NPAS2: variants seen among roughly 807,000 people sequenced by gnomAD.
The protein encoded by NPAS2 is neuronal PAS domain protein 2.
Under a neutral mutation model 107.5 loss-of-function variants are expected in NPAS2, and 23 were observed. The observed-to-expected ratio is 0.21, with a 90% CI of 0.15 to 0.30. NPAS2 has a LOEUF of 0.30. NPAS2 is among the 10% of genes least tolerant of loss of function. The pLI is 1.00. For missense variants in NPAS2, 756 were observed against 1,043.3 expected, an observed-to-expected ratio of 0.72 and a Z score of 3.79; for synonymous variants, 403 against 417.5, an observed-to-expected ratio of 0.97 and a Z score of 0.42.
rs1676373807 is a variant in NPAS2 at position 100,968,692 on chromosome 2, T to C, written c.1055+264T>C. Reference sequence around the variant, plus strand: ...GCCCCTTTGAACGCCTCATGGACTCTCGCAGGCTGCCAGGATATTACTTAG... The same window carrying C: ...GCCCCTTTGAACGCCTCATGGACTCCCGCAGGCTGCCAGGATATTACTTAG... On this transcript the variant is annotated intron_variant, in intron 11 of 20. Transcript: ENST00000335681. This position sits in a 1 kb window ranked among gnomAD's most constrained non-coding sequence, Gnocchi z 5.3. Among the ~76,000 whole-genome samples the C allele has an allele frequency of 6.6e-6, 1 of 152,200 alleles. No individual in the cohort carries two copies. Among genetic ancestry groups the C allele is most frequent in the Non-Finnish European group, 1.5e-5 (1 of 68,028 alleles).
chr2:100,930,496 T>C (rs1043816220), intron 3 of NPAS2, among the ~76,000 whole-genome samples: 6 of 152,206 alleles, frequency 3.9e-5, no homozygotes, highest in Non-Finnish European at 7.3e-5. Flanking sequence ...CACAATGTTT[T>C]CCTACAAAAA....
At chr2:100,946,098 C>T (rs914733287) in intron 5 of NPAS2, among the ~76,000 whole-genome samples, 1 of 152,220 alleles carries the variant, frequency 6.6e-6, no homozygotes, top group African/African-American at 2.4e-5. Flanking sequence ...TGTAGTCATT[C>T]TGTAACTGGT....
chr2:100,974,236 C>T (rs1031766189), intron 12 of NPAS2, among the ~76,000 whole-genome samples: 1 of 152,210 alleles, frequency 6.6e-6, no homozygotes, highest in African/African-American at 2.4e-5. Flanking sequence ...GCTGCTTTCT[C>T]GTCACACTGT....
intron 1 of NPAS2, among the ~76,000 whole-genome samples, chr2:100,865,878 T>A (rs1458140484): frequency 4.6e-5 from 7 of 152,170 alleles, no homozygotes; most frequent in Non-Finnish European, 7.3e-5. Flanking sequence ...TTGAACTACC[T>A]CCCGCTAAAA....
At chr2:100,894,647 A>G (rs1681286840) in intron 1 of NPAS2, among the ~76,000 whole-genome samples, 1 of 152,214 alleles carries the variant, frequency 6.6e-6, no homozygotes, top group Admixed American at 6.5e-5. Context: ...ATGAAGTAAC[A>G]TTTAACATCA....
chr2:100,941,076 A>G (rs1573674271), intron 5 of NPAS2, among the ~76,000 whole-genome samples: 1 of 152,240 alleles, frequency 6.6e-6, no homozygotes, highest in Middle Eastern at 3.4e-3. Context: ...GAGCAGCCAG[A>G]ATTCCTTCCC....
chr2:100,939,468 A>G (rs1674448735), intron 5 of NPAS2, among the ~76,000 whole-genome samples: 1 of 152,038 alleles, frequency 6.6e-6, no homozygotes, highest in Non-Finnish European at 1.5e-5. Flanking sequence ...CTTGATTTTC[A>G]TCTCTGGCCA....
At chr2:100,866,617 G>A (rs1408580549) in intron 1 of NPAS2, among the ~76,000 whole-genome samples, 1 of 152,180 alleles carries the variant, frequency 6.6e-6, no homozygotes, top group Non-Finnish European at 1.5e-5. Flanking sequence ...TTATTACAGT[G>A]CCACAGGGAA....
intron 11 of NPAS2, among the ~76,000 whole-genome samples, chr2:100,969,752 A>G (rs546354218): frequency 2.0e-5 from 3 of 152,202 alleles, no homozygotes; most frequent in African/African-American, 7.2e-5. Flanking sequence ...CGTATAGTGT[A>G]TTGTTCCTAG....
upstream of NPAS2, among the ~76,000 whole-genome samples, chr2:100,818,895 G>A (rs1573385286): frequency 6.6e-6 from 1 of 152,178 alleles, no homozygotes; most frequent in South Asian, 2.1e-4. Context: ...TGTGAACGCC[G>A]CCGCCCAGGT....
At chr2:100,944,444 C>T (rs1440638259) in intron 5 of NPAS2, among the ~76,000 whole-genome samples, 1 of 152,194 alleles carries the variant, frequency 6.6e-6, no homozygotes, top group Non-Finnish European at 1.5e-5. Context: ...CTGCCCACCT[C>T]CACAGGCAGG....
intron 4 of NPAS2, among the ~76,000 whole-genome samples, chr2:100,934,479 A>G (rs1443538987): frequency 6.6e-6 from 1 of 152,196 alleles, no homozygotes; most frequent in Non-Finnish European, 1.5e-5. Context: ...GTCTTTATGC[A>G]CTTTCCCTTG....
intron 12 of NPAS2, among the ~76,000 whole-genome samples, chr2:100,973,884 C>G (rs149804164): frequency 0.042 from 6,351 of 152,250 alleles, 356 homozygotes; most frequent in South Asian, 0.15. Context: ...CTATGTTGCC[C>G]AGGCTGGAGT....
chr2:100,973,335 G>A (rs1040851533), intron 12 of NPAS2, among the ~76,000 whole-genome samples: 1 of 152,224 alleles, frequency 6.6e-6, no homozygotes, highest in Non-Finnish European at 1.5e-5. Flanking sequence ...AGATTCCCGT[G>A]TGTGGACGTG....
rs1262337880 is a variant in NPAS2, at chr2:100,946,988, A to G, written c.364-1247A>G. Among the ~76,000 whole-genome samples the G allele has an allele frequency of 2.0e-5, 3 of 152,130 alleles. No individual in the cohort carries two copies. In the East Asian group the frequency reaches 5.8e-4, roughly 29 times the overall value. ...GTTGGAGATGATATGGGTGGGAAAG[A>G]ATGCCGATGTTCAGGACATGTATTC... is the stretch of plus-strand genomic sequence containing the variant. On this transcript the variant is annotated intron_variant, in intron 5 of 20. Transcript: ENST00000335681.
chr2:100,983,077 C>T (rs1018570215), intron 16 of NPAS2: 21 of 152,200 alleles, frequency 1.4e-4, no homozygotes, highest in African/African-American at 4.6e-4. Flanking sequence ...GACTGTGTAT[C>T]TTCAGAAGTG....
At chr2:100,845,896 A>G (rs1225004567) in intron 1 of NPAS2, among the ~76,000 whole-genome samples, 2 of 152,186 alleles carry the variant, frequency 1.3e-5, no homozygotes. Flanking sequence ...TCACCATGGC[A>G]GAGGGTTTTC....
chr2:100,878,399 C>T, intron 1 of NPAS2: 2 of 985,428 alleles, frequency 2.0e-6, no homozygotes, highest in Non-Finnish European at 2.4e-6. Flanking sequence ...CCTGGAAAAC[C>T]AGCAGTTCCT....
In NPAS2 at chr2:100,948,327, G is replaced by T; in HGVS notation, c.456G>T (p.Thr152=). Residue 152 remains threonine (T), a synonymous_variant, in exon 6 of 21, where the codon ACG becomes ACT. Transcript: ENST00000335681. ...YKILSSHMLV[T]DSPSPEYLKS... ...TCCTTTCTTCCCATATGCTTGTGACGGATTCCCCCTCCCCAGAATACTTAA... is the reference window on the plus strand; with the variant it reads ...TCCTTTCTTCCCATATGCTTGTGACTGATTCCCCCTCCCCAGAATACTTAA... The T allele has an allele frequency of 6.2e-7, 1 of 1,610,432 alleles. No homozygotes were observed. Among genetic ancestry groups the T allele is most frequent in the Non-Finnish European group, 8.5e-7 (1 of 1,178,304 alleles).
Sources: allele counts gnomAD v4.1 joint callset (sites outside exome capture counted in the v4.1 genomes callset), GRCh38; gene constraint gnomAD v4.1.1; non-coding constraint Gnocchi (gnomAD v3.1); transcripts MANE v1.5; gene names NCBI Gene and HGNC (gene_info 2026-07-23, HGNC 2026-07-21).